Variants in CEP128 observed in about 807,000 individuals in gnomAD.
The protein encoded by CEP128 is centrosomal protein 128kDa.
In CEP128, 132 loss-of-function variants were observed where a neutral mutation model predicts 156.7. The ratio of observed to expected loss-of-function variants is 0.84; its 90% CI spans 0.73 to 0.97. The LOEUF (loss-of-function observed/expected upper bound fraction) is 0.97, where lower values mean the gene tolerates loss of function less well. CEP128 is among the 50% of genes least tolerant of loss of function. CEP128 has a pLI of 0.00. For synonymous variants in CEP128, 469 were observed against 448.9 expected (o/e 1.04, Z -0.57); for missense variants, 1,252 against 1,281.9 (o/e 0.98, Z 0.36).
intron 19 of CEP128, among the ~76,000 whole-genome samples, chr14:80,589,109 T>C (rs773221242): frequency 5.3e-5 from 8 of 152,008 alleles, no homozygotes; most frequent in Admixed American, 1.3e-4. Context: ...ATTTTGAATA[T>C]AGAGGAAGGG....
intron 8 of CEP128, among the ~76,000 whole-genome samples, chr14:80,880,725 T>C (rs568705711): frequency 5.8e-4 from 86 of 148,500 alleles, no homozygotes; most frequent in Non-Finnish European, 1.1e-3. Context: ...TAGCCGGGCA[T>C]GGTGGTGGGC....
intron 21 of CEP128, among the ~76,000 whole-genome samples, chr14:80,534,393 A>G (rs1889379195): frequency 6.6e-6 from 1 of 152,248 alleles, no homozygotes; most frequent in African/African-American, 2.4e-5. Flanking sequence ...CAGAGATGTC[A>G]TGAGGACCTA....
exon 15 of CEP128, chr14:80,478,341 G>A (rs1203720589): frequency 6.6e-6 from 1 of 152,068 alleles, no homozygotes; most frequent in Non-Finnish European, 1.5e-5. Context: ...CGAGATTTAA[G>A]CAGTGTAGTG....
intron 9 of CEP128, among the ~76,000 whole-genome samples, chr14:80,840,984 C>T (rs1408790709): frequency 6.6e-6 from 1 of 151,828 alleles, no homozygotes; most frequent in African/African-American, 2.4e-5. Flanking sequence ...CCTTTTTTTC[C>T]CCATCTTTGG....
chr14:80,553,014 A>C (rs1175564964), intron 21 of CEP128, among the ~76,000 whole-genome samples: 1 of 151,950 alleles, frequency 6.6e-6, no homozygotes, highest in Non-Finnish European at 1.5e-5. Flanking sequence ...GAAAATACTC[A>C]ACAATTTTTT....
At chr14:80,956,037 G>A in intron 2 of CEP128, 1 of 701,594 alleles carries the variant, frequency 1.4e-6, no homozygotes. Context: ...ACTTGGGAAG[G>A]TATCATTGTT....
rs189846044 is a variant in CEP128 at position 80,512,319 on chromosome 14, T to C, written c.3073-7299A>G. ...TCCTGAATGCACCCCTTTATCATTA[T>C]ATGATAACCTTGTCTATGATAACCT... On this transcript the variant is annotated intron_variant, in intron 23 of 24. Transcript: ENST00000555265. Among the ~76,000 whole-genome samples, 742 of 152,172 alleles carry C rather than the reference T, an allele frequency of 4.9e-3. 10 individuals carry two copies. Among genetic ancestry groups the C allele is most frequent in the Non-Finnish European group, 6.2e-3 (422 of 67,908 alleles).
At chr14:80,732,259 G>A (rs1308496067) in intron 19 of CEP128, among the ~76,000 whole-genome samples, 1 of 152,142 alleles carries the variant, frequency 6.6e-6, no homozygotes, top group Non-Finnish European at 1.5e-5. Context: ...AACTGCAATG[G>A]AGTGGTAAAA....
chr14:80,497,207 A>T lies in CEP128; in HGVS notation c.*272T>A. On this transcript the variant is annotated 3_prime_UTR_variant, in exon 25 of 25. Transcript: ENST00000555265. ...AAAATGTGACTGACCACACTTGAAA[A>T]AGGAAAATACAAAGTGAAAAAATAT... is the stretch of plus-strand genomic sequence containing the variant. The T allele has an allele frequency of 4.3e-6, 1 of 232,138 alleles. No individual in the cohort carries two copies. Among genetic ancestry groups the T allele is most frequent in the Non-Finnish European group, 8.3e-6 (1 of 120,780 alleles). 14.4% of individuals were successfully genotyped at this position (232,138 alleles called of 1,614,324 possible).
chr14:80,751,394 T>C (rs969753290), intron 18 of CEP128, among the ~76,000 whole-genome samples: 7 of 152,210 alleles, frequency 4.6e-5, no homozygotes, highest in African/African-American at 1.7e-4. Flanking sequence ...CTTTGTTGGA[T>C]AAATACCCAA....
intron 19 of CEP128, among the ~76,000 whole-genome samples, chr14:80,682,307 G>C (rs904391683): frequency 1.3e-5 from 2 of 152,094 alleles, no homozygotes; most frequent in Admixed American, 6.6e-5. Flanking sequence ...CAAAATGAAA[G>C]CTTTATCAAT....
intron 21 of CEP128, among the ~76,000 whole-genome samples, chr14:80,553,575 A>G (rs980010833): frequency 6.6e-5 from 10 of 152,202 alleles, no homozygotes; most frequent in Non-Finnish European, 1.3e-4. Flanking sequence ...ATACATGTTT[A>G]AGAAAACTCC....
chr14:80,671,531 A>T, intron 19 of CEP128, among the ~76,000 whole-genome samples: 1 of 152,202 alleles, frequency 6.6e-6, no homozygotes, highest in East Asian at 1.9e-4. Flanking sequence ...ACCATCACAT[A>T]ACATAAACTC....
intron 19 of CEP128, among the ~76,000 whole-genome samples, chr14:80,723,347 G>A (rs1032752962): frequency 3.9e-5 from 6 of 152,110 alleles, no homozygotes; most frequent in Non-Finnish European, 7.3e-5. Flanking sequence ...CCTGCTCATC[G>A]CTTCCACCCA....
intron 19 of CEP128, among the ~76,000 whole-genome samples, chr14:80,726,544 G>A (rs970436107): frequency 6.6e-6 from 1 of 152,140 alleles, no homozygotes; most frequent in African/African-American, 2.4e-5. Context: ...AGCAGAGAGT[G>A]TCCTCTTTCA....
At chr14:80,908,228 T>C (rs1230299357) in intron 4 of CEP128, among the ~76,000 whole-genome samples, 1 of 152,208 alleles carries the variant, frequency 6.6e-6, no homozygotes, top group Non-Finnish European at 1.5e-5. Context: ...ATAAATTTCA[T>C]ATGTTGTAAA....
At chr14:80,778,082 T>C (rs751327226) in intron 15 of CEP128, 36 bp from the exon 16 acceptor site, 3 of 1,572,452 alleles carry the variant, frequency 1.9e-6, no homozygotes, top group South Asian at 1.1e-5. Context: ...GAAAGTCCAC[T>C]AGCCATAGCC....
chr14:80,703,151 T>TA (rs1897130892), intron 19 of CEP128, among the ~76,000 whole-genome samples: 1 of 152,022 alleles, frequency 6.6e-6, no homozygotes, highest in African/African-American at 2.4e-5. Flanking sequence ...ACTCTTGTGT[T>TA]AAAAAACAGT....
rs527457165 is a variant in CEP128 at position 80,672,298 on chromosome 14, C to T, written c.2806+70777G>A. Among the ~76,000 whole-genome samples, 5 of 78,942 alleles carry T rather than the reference C, an allele frequency of 6.3e-5. No homozygotes were observed. In the East Asian group the frequency reaches 1.3e-3, roughly 20 times the overall value. The allele number at this position is 78,942 out of a possible 152,430, so 51.8% of individuals were successfully genotyped here. ...TATCATTAAACAAATTTTGAGATAC[C>T]TAATAAGCCAAAAAAAAAAAAGGTG... On this transcript the variant is annotated intron_variant, in intron 19 of 24. Transcript: ENST00000555265.
Sources: gnomAD v4.1 joint callset for allele counts (sites outside exome capture counted in the v4.1 genomes callset) on GRCh38, gnomAD v4.1.1 for gene constraint, MANE v1.5 for transcripts, NCBI Gene and HGNC (gene_info 2026-07-23, HGNC 2026-07-21) for gene names.